The following PCDH15 variants were observed in gnomAD, a reference collection of about 807,000 sequenced individuals.
PCDH15 encodes the protein protocadherin-15.
In PCDH15, 129 loss-of-function variants were observed where a neutral mutation model predicts 178.5. The ratio of observed to expected loss-of-function variants is 0.72; its 90% CI spans 0.63 to 0.84. PCDH15 has a LOEUF of 0.84. Among genes scored for constraint, PCDH15 ranks in the 40% least tolerant of loss-of-function variants. The pLI, the probability that PCDH15 is intolerant of heterozygous loss-of-function variation, is 0.00. For synonymous variants in PCDH15, 800 were observed against 732.0 expected (o/e 1.09, Z -1.50); for missense variants, 2,230 against 2,099.9 (o/e 1.06, Z -1.21).
chr10:54,045,809 T>C (rs1197123771), intron 18 of PCDH15, among the ~76,000 whole-genome samples: 1 of 152,052 alleles, frequency 6.6e-6, no homozygotes, highest in East Asian at 1.9e-4. Flanking sequence ...GTCAAAAGAA[T>C]AGTAACACTT....
intron 8 of PCDH15, among the ~76,000 whole-genome samples, chr10:54,305,556 T>A (rs1240555367): frequency 1.3e-5 from 2 of 152,082 alleles, no homozygotes; most frequent in East Asian, 1.9e-4. Context: ...CAGTTTGTGA[T>A]AAGATAGCAA....
intron 1 of PCDH15, among the ~76,000 whole-genome samples, chr10:54,716,326 C>T (rs985975702): frequency 6.6e-6 from 1 of 152,094 alleles, no homozygotes; most frequent in African/African-American, 2.4e-5. Context: ...ATAAGTGACA[C>T]CTACTGGCCT....
chr10:54,141,910 T>A (rs905199636), intron 14 of PCDH15, among the ~76,000 whole-genome samples: 13 of 152,194 alleles, frequency 8.5e-5, no homozygotes, highest in African/African-American at 2.9e-4. Flanking sequence ...TATTATGTGG[T>A]TTTCACTTTG....
intron 2 of PCDH15, among the ~76,000 whole-genome samples, chr10:55,158,771 A>G (rs1838970524): frequency 6.6e-6 from 1 of 151,896 alleles, no homozygotes; most frequent in Admixed American, 6.6e-5. Context: ...TGTCAGAGGC[A>G]CTTGATATAT....
chr10:55,624,016 C>G (rs919122478), intron 2 of PCDH15, among the ~76,000 whole-genome samples: 1 of 150,636 alleles, frequency 6.6e-6, no homozygotes, highest in African/African-American at 2.5e-5. Context: ...AAACAAAATT[C>G]TTTATATTTT....
chr10:54,576,225 A>G (rs995341749), intron 2 of PCDH15, among the ~76,000 whole-genome samples: 1 of 152,182 alleles, frequency 6.6e-6, no homozygotes, highest in East Asian at 1.9e-4. Context: ...GTAAAGTTCC[A>G]TATCAATGCA....
intron 8 of PCDH15, among the ~76,000 whole-genome samples, chr10:54,238,569 A>G (rs1457403473): frequency 6.6e-6 from 1 of 151,910 alleles, no homozygotes; most frequent in Non-Finnish European, 1.5e-5. Flanking sequence ...AACCACGAAA[A>G]TACCAAATAA....
At chr10:54,641,582 C>CCA (rs57194998) in intron 2 of PCDH15, among the ~76,000 whole-genome samples, 7,467 of 148,698 alleles carry the variant, frequency 0.05, 211 homozygotes, top group African/African-American at 0.081. Context: ...TATGCAAACA[C>CCA]CACACACACA....
At chr10:54,191,972 G>A (rs1444101910) in intron 11 of PCDH15, among the ~76,000 whole-genome samples, 18 of 136,898 alleles carry the variant, frequency 1.3e-4, no homozygotes, top group African/African-American at 4.7e-4. Context: ...AGGAGAAGGA[G>A]GGGAAGGAAG....
At chr10:54,280,390 C>G (rs2058618790) in intron 8 of PCDH15, among the ~76,000 whole-genome samples, 1 of 150,818 alleles carries the variant, frequency 6.6e-6, no homozygotes, top group Non-Finnish European at 1.5e-5. Flanking sequence ...TTTATCAAGT[C>G]TCTGCTTCAT....
chr10:55,472,801 C>T (rs1011885467), intron 2 of PCDH15, among the ~76,000 whole-genome samples: 1 of 152,170 alleles, frequency 6.6e-6, no homozygotes, highest in African/African-American at 2.4e-5. Flanking sequence ...ATCTCCTGAC[C>T]TCGTGATCCA....
intron 2 of PCDH15, among the ~76,000 whole-genome samples, chr10:54,561,837 A>T (rs1469207231): frequency 6.9e-6 from 1 of 145,190 alleles, no homozygotes; most frequent in African/African-American, 2.4e-5. Flanking sequence ...AATGGTAATT[A>T]TTATTATTAT....
chr10:53,988,283 C>G (rs2091241866), intron 21 of PCDH15, among the ~76,000 whole-genome samples: 1 of 152,108 alleles, frequency 6.6e-6, no homozygotes, highest in Non-Finnish European at 1.5e-5. Flanking sequence ...AACTGGGCAA[C>G]AGATAAGGTT....
chr10:54,919,536 G>A (rs956341166), intron 2 of PCDH15, among the ~76,000 whole-genome samples: 12 of 152,130 alleles, frequency 7.9e-5, no homozygotes, highest in African/African-American at 2.9e-4. Flanking sequence ...ATGCATCCCA[G>A]AGTAACTCAC....
chr10:54,899,720 C>A (rs1180619947), intron 2 of PCDH15, among the ~76,000 whole-genome samples: 1 of 152,060 alleles, frequency 6.6e-6, no homozygotes, highest in East Asian at 1.9e-4. Context: ...TGGTCTCGAA[C>A]TTCTGACGTT....
chr10:55,378,436 A>T (rs1015546174), intron 2 of PCDH15, among the ~76,000 whole-genome samples: 6 of 152,144 alleles, frequency 3.9e-5, no homozygotes, highest in African/African-American at 1.4e-4. Context: ...GACTCAGCAC[A>T]TATTGTAAAA....
At chr10:55,562,096 C>T (rs957932000) in intron 2 of PCDH15, among the ~76,000 whole-genome samples, 1 of 151,844 alleles carries the variant, frequency 6.6e-6, no homozygotes, top group African/African-American at 2.4e-5. Context: ...CACGTTGTCT[C>T]AAGAGTAGCA....
intron 2 of PCDH15, among the ~76,000 whole-genome samples, chr10:55,622,616 G>C (rs1564488857): frequency 2.0e-5 from 3 of 152,046 alleles, no homozygotes; most frequent in Admixed American, 2.0e-4. Flanking sequence ...TTGAATGGCT[G>C]ATCAACCATA....
At chr10:54,310,059 G>A (rs2060806773) in intron 8 of PCDH15, among the ~76,000 whole-genome samples, 1 of 152,060 alleles carries the variant, frequency 6.6e-6, no homozygotes, top group South Asian at 2.1e-4. Context: ...ATATGAAACA[G>A]AGAGAAAGTA....
Sources: gnomAD v4.1 joint callset for allele counts (sites outside exome capture counted in the v4.1 genomes callset) on GRCh38, gnomAD v4.1.1 for gene constraint, MANE v1.5 for transcripts, NCBI Gene and HGNC (gene_info 2026-07-23, HGNC 2026-07-21) for gene names.